Variants in PPP6R3 observed in about 807,000 individuals in gnomAD.
PPP6R3 encodes protein phosphatase 6 regulatory subunit 3, also known as serine/threonine-protein phosphatase 6 regulatory subunit 3.
A neutral mutation model predicts 110.7 loss-of-function variants in PPP6R3; 38 were observed. The ratio of observed to expected loss-of-function variants is 0.34; its 90% CI spans 0.26 to 0.45. PPP6R3 has a LOEUF of 0.45. PPP6R3 is among the 20% of genes least tolerant of loss of function. PPP6R3 has a pLI of 1.00. For synonymous variants in PPP6R3, 369 were observed against 373.5 expected, an observed-to-expected ratio of 0.99 and a Z score of 0.14; for missense variants, 870 against 1,062.4, an observed-to-expected ratio of 0.82 and a Z score of 2.52.
chr11:68,492,379 C>T (rs1234910313), intron 1 of PPP6R3, among the ~76,000 whole-genome samples: 6 of 152,194 alleles, frequency 3.9e-5, no homozygotes, highest in Non-Finnish European at 2.9e-5. Context: ...TCTTGCCTGG[C>T]TTCAAGTGAT....
At chr11:68,463,690 C>A (rs1348204166) in intron 1 of PPP6R3, among the ~76,000 whole-genome samples, 1 of 152,204 alleles carries the variant, frequency 6.6e-6, no homozygotes, top group Non-Finnish European at 1.5e-5. Flanking sequence ...GCTACTTTTT[C>A]TAATGTACTG....
chr11:68,583,380 G>A (rs1026201990), intron 15 of PPP6R3, among the ~76,000 whole-genome samples: 16 of 152,212 alleles, frequency 1.1e-4, no homozygotes, highest in African/African-American at 3.1e-4. Context: ...AGATTTGAAT[G>A]AACTGAATAG....
chr11:68,613,545 C>T lies in PPP6R3; in HGVS notation c.*428C>T, dbSNP rs1944514217. The T allele has an allele frequency of 5.5e-5, 54 of 986,550 alleles. No individual in the cohort carries two copies. Among genetic ancestry groups the T allele is most frequent in the Non-Finnish European group, 6.5e-5 (54 of 830,480 alleles). The allele number at this position is 986,550 out of a possible 1,614,324, so 61.1% of individuals were successfully genotyped here. On this transcript the variant is annotated 3_prime_UTR_variant, in exon 24 of 24. Coordinates refer to ENST00000393800, the MANE Select transcript of PPP6R3 (RefSeq NM_001164161.2). ...GTTTTCATACATTTTTCACCTTGTA[C>T]AAAATTATGAATTCATTTTTCCTCC...
intron 10 of PPP6R3, 77 bp downstream of exon 10, chr11:68,567,243 C>A: frequency 7.3e-7 from 1 of 1,367,204 alleles, no homozygotes; most frequent in Non-Finnish European, 9.7e-7. Context: ...TACAACCTTA[C>A]AAATTTACAT....
intron 10 of PPP6R3, among the ~76,000 whole-genome samples, chr11:68,568,919 C>T (rs1242260053): frequency 1.3e-5 from 2 of 152,080 alleles, no homozygotes; most frequent in Non-Finnish European, 2.9e-5. Flanking sequence ...CGCCCGCCAC[C>T]ACACCCAGCG....
intron 23 of PPP6R3, among the ~76,000 whole-genome samples, chr11:68,611,571 T>C (rs552798271): frequency 3.3e-5 from 5 of 152,260 alleles, no homozygotes; most frequent in African/African-American, 1.2e-4. Context: ...CATCTGTCCT[T>C]CTTTCCTCTG....
intron 14 of PPP6R3, among the ~76,000 whole-genome samples, chr11:68,576,984 A>G (rs566519794): frequency 2.9e-4 from 44 of 152,354 alleles, no homozygotes; most frequent in African/African-American, 9.6e-4. Context: ...AAATATGGTC[A>G]TCTTTTTCCA....
At position 68,601,987 on chromosome 11, in the gene PPP6R3, T is replaced by TG. The variant is rs771378698; in HGVS notation, c.2299+21dup. The TG allele has an allele frequency of 2.5e-6, 4 of 1,585,138 alleles. No individual in the cohort carries two copies. The South Asian group carries it at 4.5e-5, about 18-fold the overall frequency. ...GCCAGAAGGTGCGTGCAGAGAGGCC[T>TG]GGGTACACGCCAGGGTCACGTGGCT... On this transcript the variant is annotated intron_variant, in intron 21 of 23. Coordinates refer to ENST00000393800, the MANE Select transcript of PPP6R3 (RefSeq NM_001164161.2).
intron 1 of PPP6R3, among the ~76,000 whole-genome samples, 160 bp from the exon 2 acceptor site, chr11:68,519,340 AT>A (rs1364798531): frequency 1.3e-5 from 2 of 152,122 alleles, no homozygotes; most frequent in African/African-American, 2.4e-5. Flanking sequence ...TTTTTTTCTT[AT>A]GTTCATATAG....
At chr11:68,475,561 C>T (rs1486792375) in intron 1 of PPP6R3, among the ~76,000 whole-genome samples, 8 of 150,462 alleles carry the variant, frequency 5.3e-5, no homozygotes, top group African/African-American at 1.5e-4. Context: ...ACCTCCCTCC[C>T]GGACGGGGCG....
chr11:68,602,436 C>T lies in PPP6R3; in HGVS notation c.2299+467C>T, dbSNP rs555718136. Among the ~76,000 whole-genome samples the T allele has an allele frequency of 2.0e-5, 3 of 152,254 alleles. No homozygotes were observed. In the South Asian group the frequency reaches 6.2e-4, roughly 32 times the overall value. On this transcript the variant is annotated intron_variant, in intron 21 of 23. Transcript: ENST00000393800. ...AGTTCCAGTGGGTTTTCCTATTACT[C>T]TACCTAGTCAAATGTGTTCCTTGCA...
At chr11:68,535,875 A>G (rs375491532) in intron 2 of PPP6R3, among the ~76,000 whole-genome samples, 71 of 150,974 alleles carry the variant, frequency 4.7e-4, no homozygotes, top group South Asian at 4.6e-3. Context: ...AGGCTGAGGT[A>G]GGGATTACTT....
intron 2 of PPP6R3, among the ~76,000 whole-genome samples, chr11:68,534,960 T>C (rs1271633668): frequency 6.6e-6 from 1 of 152,208 alleles, no homozygotes; most frequent in African/African-American, 2.4e-5. Flanking sequence ...ACTTTTGTCT[T>C]TTTTTCTACT....
At chr11:68,570,449 A>G (rs918898600) in intron 11 of PPP6R3, among the ~76,000 whole-genome samples, 12 of 152,246 alleles carry the variant, frequency 7.9e-5, no homozygotes, top group Admixed American at 6.5e-4. Context: ...CCTAAAATGT[A>G]GAAAAGGCTA....
chr11:68,544,804 T>G (rs765209769), intron 3 of PPP6R3, 34 bp from the exon 4 acceptor site: 2 of 1,437,850 alleles, frequency 1.4e-6, no homozygotes, highest in East Asian at 4.6e-5. Flanking sequence ...AAACTGTTAA[T>G]AAAGATGATG....
At chr11:68,553,631 A>T (rs1593032954) in intron 6 of PPP6R3, among the ~76,000 whole-genome samples, 1 of 152,054 alleles carries the variant, frequency 6.6e-6, no homozygotes, top group Admixed American at 6.5e-5. Context: ...AAGTATGTGC[A>T]TCCTTCTATG....
At chr11:68,540,811 C>T (rs1235987956) in intron 3 of PPP6R3, among the ~76,000 whole-genome samples, 1 of 152,196 alleles carries the variant, frequency 6.6e-6, no homozygotes, top group African/African-American at 2.4e-5. Context: ...AGAAATATGG[C>T]TCTGTTCCGC....
At chr11:68,475,912 G>A (rs551429859) in intron 1 of PPP6R3, among the ~76,000 whole-genome samples, 203 of 151,328 alleles carry the variant, frequency 1.3e-3, no homozygotes, top group African/African-American at 4.2e-3. Flanking sequence ...ATGGGCGGCC[G>A]GGCAGAGACG....
At chr11:68,474,043 CTTT>C (rs34322224) in intron 1 of PPP6R3, among the ~76,000 whole-genome samples, 39 of 136,334 alleles carry the variant, frequency 2.9e-4, no homozygotes, top group African/African-American at 2.7e-4. Context: ...AAGCAATTAC[CTTT>C]TTTTTTTTTT....
Sources: gnomAD v4.1 joint callset for allele counts (sites outside exome capture counted in the v4.1 genomes callset) on GRCh38, gnomAD v4.1.1 for gene constraint, MANE v1.5 for transcripts, NCBI Gene and HGNC (gene_info 2026-07-23, HGNC 2026-07-21) for gene names.